FBRSL1: variants seen among roughly 807,000 people sequenced by gnomAD.
The protein encoded by FBRSL1 is fibrosin-1-like protein.
In FBRSL1, 51 loss-of-function variants were observed where a neutral mutation model predicts 89.6. That is an observed-to-expected ratio of 0.57 (90% CI 0.45 to 0.72). The LOEUF is 0.72. Ranked by LOEUF, FBRSL1 falls within the 30% of genes least tolerant of loss-of-function variation. FBRSL1 has a pLI of 0.00. For missense variants in FBRSL1, 1,618 were observed against 1,451.8 expected (o/e 1.11, Z -1.86); for synonymous variants, 779 against 681.1 (o/e 1.14, Z -2.24).
intron 4 of FBRSL1, among the ~76,000 whole-genome samples, chr12:132,530,762 G>A (rs1593364330): frequency 6.7e-6 from 1 of 149,652 alleles, no homozygotes; most frequent in Admixed American, 6.6e-5. Flanking sequence ...GGAGGGGCTG[G>A]CCTGCTGCAC....
chr12:132,571,534 CCCGCGTGCTGGCAGGGGGCGGGGG>C (rs1486864295), intron 9 of FBRSL1: 1 of 1,478,330 alleles, frequency 6.8e-7, no homozygotes, highest in Non-Finnish European at 9.0e-7. Flanking sequence ...GGTGCGTAGG[CCCGCGTGCTGGCAGGGGGCGGGGG>C]CGGGCGTGGG....
intron 2 of FBRSL1, among the ~76,000 whole-genome samples, chr12:132,517,406 G>C (rs903203309): frequency 4.6e-5 from 7 of 152,220 alleles, no homozygotes; most frequent in Middle Eastern, 3.2e-3. Context: ...TGCTTTCCCA[G>C]CCTCACTCTG....
chr12:132,571,214 C>T lies in FBRSL1; in HGVS notation c.1360C>T (p.Arg454Ter), dbSNP rs1277779848. 8 of 1,446,620 alleles carry T rather than the reference C, an allele frequency of 5.5e-6. No individual in the cohort carries two copies. Among genetic ancestry groups the T allele is most frequent in the East Asian group, 5.1e-5 (2 of 39,438 alleles). 89.6% of individuals were successfully genotyped at this position (1,446,620 alleles called of 1,614,324 possible). Residue 454 changes from arginine to a stop codon, truncating the protein, a stop_gained, in exon 9 of 19, where the codon CGA (arginine) becomes TGA (stop). Transcript: ENST00000680143. LOFTEE classifies it high-confidence loss of function. ...GAGCGGCCACCCCGGCTTGGCCTGC[C>T]GACCCCGGGAGTGCCAGGTGACTAT... ...VASGHPGLAC[R>*]PRECQFDKYA...
In FBRSL1 at chr12:132,576,869, C is replaced by G. The variant is rs777297153; in HGVS notation, c.1772C>G (p.Pro591Arg). 8.5e-5 allele frequency: 132 copies of G among 1,550,892 alleles called. No homozygotes were observed. Among genetic ancestry groups the G allele is most frequent in the South Asian group, 8.0e-4 (67 of 84,042 alleles). ...GACCTGTTCGGCAGACCCCCTGCCC[C>G]GGGCGTGTTTGCAGGCTTCCACTAC... ...KLDLFGRPPAPGVFAGFHYPQ... is the reference protein window; with the variant it reads ...KLDLFGRPPARGVFAGFHYPQ... Residue 591 changes from proline (P) to arginine (R), a missense_variant, in exon 15 of 19, where the codon CCG becomes CGG. Physicochemically the swap from Pro to Arg is moderately radical, Grantham distance 103. Coordinates refer to ENST00000680143, the MANE Select transcript of FBRSL1 (RefSeq NM_001367871.1).
chr12:132,507,051 C>A, intron 1 of FBRSL1: 1 of 301,244 alleles, frequency 3.3e-6, no homozygotes, highest in Non-Finnish European at 4.9e-6. Flanking sequence ...TGGCTCTTGT[C>A]TCTGTCGTCT....
At chr12:132,509,959 T>C (rs1337202858) in intron 2 of FBRSL1, 1 of 1,230,932 alleles carries the variant, frequency 8.1e-7, no homozygotes, top group African/African-American at 1.6e-5. Flanking sequence ...AGGTCCCTGC[T>C]GGGCCAGCCC....
rs1288016100 is a variant in FBRSL1, at chr12:132,546,111, C to T, written c.616-1892C>T. Among the ~76,000 whole-genome samples the T allele has an allele frequency of 1.3e-5, 2 of 152,260 alleles. No homozygotes were observed. Among genetic ancestry groups the T allele is most frequent in the Non-Finnish European group, 2.9e-5 (2 of 68,048 alleles). ...TCTGGCATGTTCCTCCCCTCCCCTG[C>T]GCTCCCCGCAGGAGCTTGTGGCTTT... On this transcript the variant is annotated intron_variant, in intron 4 of 18. Coordinates refer to ENST00000680143, the MANE Select transcript of FBRSL1 (RefSeq NM_001367871.1). The surrounding 1 kb of genome is among the most constrained non-coding windows in gnomAD (Gnocchi z 4.0).
rs565655433 is a variant in FBRSL1, at chr12:132,564,677, A to T, written c.646-2804A>T. 9.3e-4 allele frequency among the ~76,000 whole-genome samples: 80 copies of T among 85,890 alleles called. 2 individuals are homozygous for T. Among genetic ancestry groups the T allele is most frequent in the East Asian group, 3.8e-3 (5 of 1,300 alleles). The allele number at this position is 85,890 out of a possible 152,430, so 56.3% of individuals were successfully genotyped here. ...CGCCCGGCTAATTTTTTGTATTTTT[A>T]GTAGAGACGGGGTTTCACCGTGTTA... On this transcript the variant is annotated intron_variant, in intron 5 of 18. Transcript: ENST00000680143.
Position 132,511,178 on chromosome 12 carries a change from G to A in FBRSL1, c.489+2828G>A, listed in dbSNP as rs543727667. The A allele has an allele frequency of 4.6e-4, 458 of 985,466 alleles. 6 individuals carry two copies. In the South Asian group the frequency reaches 0.017, roughly 36 times the overall value. The allele number at this position is 985,466 out of a possible 1,614,324, so 61.0% of individuals were successfully genotyped here. ...GTGGGTCAGGACCTGCAGGGGACCC[G>A]GAGGCTCCCACCCCCACCTCTCAGG... On this transcript the variant is annotated intron_variant, in intron 2 of 18. Transcript: ENST00000680143.
intron 5 of FBRSL1, among the ~76,000 whole-genome samples, chr12:132,549,378 G>T (rs973440763): frequency 1.3e-5 from 2 of 152,156 alleles, no homozygotes; most frequent in Non-Finnish European, 2.9e-5. Flanking sequence ...GCGTGGCTCC[G>T]CGTGGCCCTC....
At chr12:132,503,162 G>A (rs1394013243) in intron 1 of FBRSL1, among the ~76,000 whole-genome samples, 2 of 138,528 alleles carry the variant, frequency 1.4e-5, no homozygotes, top group African/African-American at 2.7e-5. Flanking sequence ...CTAGAGTGCA[G>A]CCACATGCCC....
chr12:132,500,662 C>T (rs1593243565), intron 1 of FBRSL1, among the ~76,000 whole-genome samples: 1 of 152,274 alleles, frequency 6.6e-6, no homozygotes, highest in East Asian at 1.9e-4. Context: ...AGACTCCATC[C>T]AGCCCGGGAC....
intron 3 of FBRSL1, 91 bp downstream of exon 3, chr12:132,525,914 C>G: frequency 9.2e-7 from 1 of 1,084,856 alleles, no homozygotes; most frequent in African/African-American, 1.6e-5. Flanking sequence ...CGAGTCTGGG[C>G]CGCCTGCCCA....
chr12:132,582,866 C>T, intron 18 of FBRSL1, 105 bp from the exon 19 acceptor site: 1 of 951,036 alleles, frequency 1.1e-6, no homozygotes, highest in Non-Finnish European at 1.4e-6. Flanking sequence ...GGTCACCGGC[C>T]ACCCAGAAAC....
chr12:132,493,742 G>A (rs2031520843), intron 1 of FBRSL1, among the ~76,000 whole-genome samples: 5 of 152,228 alleles, frequency 3.3e-5, no homozygotes, highest in Admixed American at 2.0e-4. Context: ...CACATAGGCC[G>A]TTCTGTGCCC....
chr12:132,520,754 G>A (rs2035282810), intron 2 of FBRSL1, among the ~76,000 whole-genome samples: 1 of 152,226 alleles, frequency 6.6e-6, no homozygotes, highest in South Asian at 2.1e-4. Context: ...GGGGCCCATA[G>A]TCATCATCCA....
intron 5 of FBRSL1, among the ~76,000 whole-genome samples, chr12:132,562,001 G>A (rs575275383): frequency 5.9e-5 from 9 of 152,230 alleles, no homozygotes; most frequent in South Asian, 2.1e-4. Context: ...CTGGGGAGCC[G>A]CAGTGCCCCC....
intron 18 of FBRSL1, among the ~76,000 whole-genome samples, 171 bp downstream of exon 18, chr12:132,582,437 T>G (rs2040836990): frequency 8.8e-6 from 1 of 113,166 alleles, no homozygotes; most frequent in Admixed American, 1.0e-4. Flanking sequence ...CCATTCCCTC[T>G]CACCCTCCTC....
Position 132,490,726 on chromosome 12 carries a change from G to GCCC in FBRSL1, c.161_163dup (p.Pro54dup). 1.0e-6 allele frequency: 1 copy of GCCC among 984,890 alleles called. No individual in the cohort carries two copies. Among genetic ancestry groups the GCCC allele is most frequent in the Non-Finnish European group, 1.2e-6 (1 of 830,984 alleles). 61.0% of individuals were successfully genotyped at this position (984,890 alleles called of 1,614,324 possible). A position where few individuals can be genotyped will look rare whatever the true frequency, so the allele number is the denominator to read the frequency against. ...AGGAGAACGCGGGCCTCCGCGGCGC[G>GCCC]CCCCCCCGAGGCGCCGCCCCCGCGC... On this transcript the variant is annotated inframe_insertion, in exon 1 of 19. Coordinates refer to ENST00000680143, the MANE Select transcript of FBRSL1 (RefSeq NM_001367871.1).
Sources: allele counts gnomAD v4.1 joint callset (sites outside exome capture counted in the v4.1 genomes callset), GRCh38; gene constraint gnomAD v4.1.1; non-coding constraint Gnocchi (gnomAD v3.1); transcripts MANE v1.5; gene names NCBI Gene and HGNC (gene_info 2026-07-23, HGNC 2026-07-21).